NELL1: variants seen among roughly 807,000 people sequenced by gnomAD.
The protein encoded by NELL1 is neural EGFL like 1.
In NELL1, 76 loss-of-function variants were observed where a neutral mutation model predicts 107.4. The ratio of observed to expected loss-of-function variants is 0.71; its 90% CI spans 0.59 to 0.86. The LOEUF (loss-of-function observed/expected upper bound fraction) is 0.86, where lower values mean the gene tolerates loss of function less well. Ranked by LOEUF, NELL1 falls within the 40% of genes least tolerant of loss-of-function variation. The pLI is 0.00. For missense variants in NELL1, 1,024 were observed against 1,005.5 expected (o/e 1.02, Z -0.25); for synonymous variants, 353 against 341.2 (o/e 1.03, Z -0.38).
intron 2 of NELL1, among the ~76,000 whole-genome samples, chr11:20,740,940 T>C (rs1316763753): frequency 1.3e-5 from 2 of 152,094 alleles, no homozygotes; most frequent in African/African-American, 4.8e-5. Context: ...TGTTTTATTT[T>C]CTGTTCCTTC....
intron 15 of NELL1, among the ~76,000 whole-genome samples, chr11:21,523,845 A>C (rs895405621): frequency 6.6e-6 from 1 of 151,858 alleles, no homozygotes; most frequent in African/African-American, 2.4e-5. Flanking sequence ...TCACTTTCTT[A>C]GTTATCTAAT....
intron 14 of NELL1, among the ~76,000 whole-genome samples, chr11:21,280,310 C>A (rs1362121242): frequency 2.0e-5 from 3 of 152,258 alleles, no homozygotes; most frequent in South Asian, 4.1e-4. Context: ...ATCGTTCCAC[C>A]TACATGGTCA....
At chr11:20,901,934 G>A (rs1476492422) in intron 5 of NELL1, among the ~76,000 whole-genome samples, 1 of 152,056 alleles carries the variant, frequency 6.6e-6, no homozygotes, top group African/African-American at 2.4e-5. Context: ...CAGACATTGA[G>A]TGATGTAATT....
intron 3 of NELL1, among the ~76,000 whole-genome samples, chr11:20,816,114 T>C (rs1025755417): frequency 6.6e-6 from 1 of 152,190 alleles, no homozygotes; most frequent in African/African-American, 2.4e-5. Context: ...TTCTTTTTGC[T>C]TAGTATTGTT....
chr11:21,201,662 T>C (rs1857273114), intron 13 of NELL1, among the ~76,000 whole-genome samples: 1 of 152,172 alleles, frequency 6.6e-6, no homozygotes, highest in Non-Finnish European at 1.5e-5. Context: ...TCCAATACTA[T>C]GTCGAATAGG....
At chr11:20,714,194 ATTTTTTTTTTT>A (rs34441596) in intron 2 of NELL1, among the ~76,000 whole-genome samples, 9 of 61,736 alleles carry the variant, frequency 1.5e-4, no homozygotes, top group South Asian at 8.4e-4. Flanking sequence ...TATCTCCCCG[ATTTTTTTTTTT>A]TTTTTTTTTT....
chr11:21,361,145 G>A (rs1220042734), intron 14 of NELL1, among the ~76,000 whole-genome samples: 1 of 151,396 alleles, frequency 6.6e-6, no homozygotes, highest in Non-Finnish European at 1.5e-5. Context: ...ACCATTTCTT[G>A]TAATGCTGGC....
At chr11:21,424,933 T>C (rs1430745914) in intron 15 of NELL1, among the ~76,000 whole-genome samples, 1 of 152,170 alleles carries the variant, frequency 6.6e-6, no homozygotes, top group Non-Finnish European at 1.5e-5. Flanking sequence ...CTTAACTTGT[T>C]CTATGAGGCC....
At chr11:21,472,112 G>T (rs1455433485) in intron 15 of NELL1, among the ~76,000 whole-genome samples, 4 of 151,234 alleles carry the variant, frequency 2.6e-5, no homozygotes, top group African/African-American at 9.7e-5. Context: ...AGCTGTCTAA[G>T]CTCCCAGAAG....
At chr11:21,393,328 T>C (rs974348146) in intron 15 of NELL1, among the ~76,000 whole-genome samples, 27 of 151,236 alleles carry the variant, frequency 1.8e-4, no homozygotes, top group African/African-American at 5.1e-4. Flanking sequence ...GACCAGGGGG[T>C]CAAAAGCTTT....
chr11:20,713,657 C>T (rs977384231), intron 2 of NELL1, among the ~76,000 whole-genome samples: 1 of 152,086 alleles, frequency 6.6e-6, no homozygotes, highest in Non-Finnish European at 1.5e-5. Context: ...TTCCTGGCCA[C>T]CCCCCAGATT....
intron 14 of NELL1, among the ~76,000 whole-genome samples, chr11:21,266,171 A>T (rs1848629122): frequency 6.7e-6 from 1 of 149,250 alleles, no homozygotes; most frequent in Non-Finnish European, 1.5e-5. Flanking sequence ...ATGAACTGGC[A>T]GTTCGCATTC....
intron 14 of NELL1, among the ~76,000 whole-genome samples, chr11:21,297,651 C>A (rs1345937354): frequency 6.6e-6 from 1 of 151,986 alleles, no homozygotes; most frequent in Non-Finnish European, 1.5e-5. Flanking sequence ...TTGCTTTGAG[C>A]CATAAACTGT....
chr11:20,801,046 A>G (rs555688398), intron 3 of NELL1, among the ~76,000 whole-genome samples: 1 of 152,316 alleles, frequency 6.6e-6, no homozygotes, highest in South Asian at 2.1e-4. Flanking sequence ...CATCAAAAAT[A>G]GGTATGTATT....
chr11:21,224,898 G>T (rs971831644), intron 13 of NELL1, among the ~76,000 whole-genome samples: 1 of 152,164 alleles, frequency 6.6e-6, no homozygotes, highest in East Asian at 1.9e-4. Context: ...GTGTTCTCTT[G>T]TTTCTTGCTG....
At chr11:20,791,934 A>G (rs1160225561) in intron 3 of NELL1, among the ~76,000 whole-genome samples, 1 of 152,074 alleles carries the variant, frequency 6.6e-6, no homozygotes, top group Non-Finnish European at 1.5e-5. Context: ...TCAGAAAGCT[A>G]TACCAAACTT....
intron 14 of NELL1, among the ~76,000 whole-genome samples, chr11:21,269,222 A>G: frequency 6.6e-6 from 1 of 152,130 alleles, no homozygotes; most frequent in East Asian, 1.9e-4. Flanking sequence ...GAAGAAAACA[A>G]AAAGAAACAA....
chr11:21,362,614 G>T (rs1258613151), intron 14 of NELL1, among the ~76,000 whole-genome samples: 3 of 152,290 alleles, frequency 2.0e-5, no homozygotes, highest in South Asian at 4.1e-4. Flanking sequence ...GGAGTTGGTT[G>T]GCCTCCAGCC....
At chr11:20,674,570 G>T (rs1304377261) in intron 1 of NELL1, 4 of 1,518,210 alleles carry the variant, frequency 2.6e-6, no homozygotes, top group Admixed American at 2.0e-5. Context: ...TCCCTTCAGG[G>T]AGGCAGGTAT....
Sources: allele counts gnomAD v4.1 joint callset (sites outside exome capture counted in the v4.1 genomes callset), GRCh38; gene constraint gnomAD v4.1.1; transcripts MANE v1.5; gene names NCBI Gene and HGNC (gene_info 2026-07-23, HGNC 2026-07-21).